The following NRXN1 variants were observed in gnomAD, a reference collection of about 807,000 sequenced individuals.
NRXN1 encodes the protein neurexin-1.
NRXN1 carries 39 observed loss-of-function variants against 150.9 expected under a neutral mutation model. The observed-to-expected ratio is 0.26, with a 90% CI of 0.20 to 0.34. NRXN1 has a LOEUF of 0.34. NRXN1 is among the 10% of genes least tolerant of loss of function. The probability of loss-of-function intolerance (pLI) is 1.00; values close to 1 mark genes in which losing one functional copy is unlikely to be tolerated. For missense variants in NRXN1, 1,815 were observed against 1,949.9 expected (o/e 0.93, Z 1.30); for synonymous variants, 924 against 757.0 (o/e 1.22, Z -3.62).
intron 17 of NRXN1, among the ~76,000 whole-genome samples, chr2:50,255,512 G>C (rs2067612810): frequency 6.6e-6 from 1 of 152,106 alleles, no homozygotes; most frequent in African/African-American, 2.4e-5. Flanking sequence ...AAATTACAAG[G>C]TGGTTCCAAT....
intron 17 of NRXN1, among the ~76,000 whole-genome samples, chr2:50,415,774 A>G (rs578197414): frequency 6.6e-6 from 1 of 152,126 alleles, no homozygotes; most frequent in Non-Finnish European, 1.5e-5. Flanking sequence ...ATCTTTTTGC[A>G]TTAATTCAAG....
intron 17 of NRXN1, among the ~76,000 whole-genome samples, chr2:50,260,461 C>G (rs776167401): frequency 6.6e-6 from 1 of 151,698 alleles, no homozygotes; most frequent in Non-Finnish European, 1.5e-5. Context: ...TGGGTTAAGA[C>G]GGAGACTCAA....
chr2:49,929,294 A>C (rs1397687891), intron 22 of NRXN1, among the ~76,000 whole-genome samples: 1 of 152,198 alleles, frequency 6.6e-6, no homozygotes, highest in Non-Finnish European at 1.5e-5. Context: ...AAGACAAATA[A>C]ACAGAGGAAC....
At chr2:50,207,949 C>A (rs1443765243) in intron 18 of NRXN1, among the ~76,000 whole-genome samples, 1 of 151,980 alleles carries the variant, frequency 6.6e-6, no homozygotes, top group Non-Finnish European at 1.5e-5. Context: ...CCTGCTTTTC[C>A]CCTTTCTTCT....
At chr2:50,482,488 C>T (rs2090545528) in intron 15 of NRXN1, among the ~76,000 whole-genome samples, 1 of 151,094 alleles carries the variant, frequency 6.6e-6, no homozygotes, top group Non-Finnish European at 1.5e-5. Flanking sequence ...AATTCTGTCA[C>T]CATTCCATGT....
At chr2:50,109,593 A>T (rs1049667427) in intron 18 of NRXN1, among the ~76,000 whole-genome samples, 1 of 136,062 alleles carries the variant, frequency 7.3e-6, no homozygotes, top group Non-Finnish European at 1.6e-5. Context: ...AAGGATCCTT[A>T]AAAAAAAAAA....
intron 18 of NRXN1, among the ~76,000 whole-genome samples, chr2:50,225,352 T>C (rs2064269465): frequency 6.6e-6 from 1 of 151,980 alleles, no homozygotes; most frequent in African/African-American, 2.4e-5. Flanking sequence ...ATGCATCTAC[T>C]AAGCACCATG....
intron 5 of NRXN1, among the ~76,000 whole-genome samples, chr2:50,864,785 G>A (rs981798068): frequency 3.9e-5 from 6 of 152,052 alleles, no homozygotes; most frequent in African/African-American, 1.4e-4. Flanking sequence ...TTGAAACTTG[G>A]TTTTTGATGA....
chr2:50,740,893 C>T (rs1045820880), intron 5 of NRXN1, among the ~76,000 whole-genome samples: 1 of 152,040 alleles, frequency 6.6e-6, no homozygotes, highest in African/African-American at 2.4e-5. Context: ...AATAACTACC[C>T]ACAGCTTGGT....
chr2:50,434,493 G>A (rs1367417961), intron 17 of NRXN1, among the ~76,000 whole-genome samples: 2 of 152,020 alleles, frequency 1.3e-5, no homozygotes, highest in African/African-American at 4.8e-5. Context: ...GACTGAATAA[G>A]GTTTCCTGAA....
chr2:50,736,631 G>A (rs1698786783), intron 5 of NRXN1, among the ~76,000 whole-genome samples: 1 of 152,104 alleles, frequency 6.6e-6, no homozygotes, highest in Non-Finnish European at 1.5e-5. Flanking sequence ...TTTATAAGGG[G>A]AGAAACCCCT....
chr2:49,957,911 A>T (rs910372958), intron 21 of NRXN1, among the ~76,000 whole-genome samples: 1 of 152,164 alleles, frequency 6.6e-6, no homozygotes, highest in African/African-American at 2.4e-5. Context: ...TGGGGCAGAT[A>T]AAAATAACAG....
At chr2:50,140,685 A>G (rs1707147544) in intron 18 of NRXN1, among the ~76,000 whole-genome samples, 1 of 149,806 alleles carries the variant, frequency 6.7e-6, no homozygotes. Flanking sequence ...TTTTTTTAAT[A>G]GTAGAGATGT....
chr2:50,664,396 C>T (rs938342367), intron 5 of NRXN1, among the ~76,000 whole-genome samples: 9 of 108,038 alleles, frequency 8.3e-5, no homozygotes, highest in Admixed American at 2.1e-4. Flanking sequence ...AAGTTTAAAG[C>T]GTGTGTGTGT....
intron 5 of NRXN1, among the ~76,000 whole-genome samples, chr2:50,629,399 A>C (rs1218914365): frequency 6.6e-6 from 1 of 151,628 alleles, no homozygotes; most frequent in Non-Finnish European, 1.5e-5. Context: ...CCATTTATAT[A>C]AAAAATTTAA....
intron 18 of NRXN1, among the ~76,000 whole-genome samples, chr2:50,113,307 T>C (rs1702616420): frequency 6.6e-6 from 1 of 152,236 alleles, no homozygotes. Context: ...TCATAATTAT[T>C]TGTGCATGTG....
chr2:50,176,975 G>A (rs2060391513), intron 18 of NRXN1, among the ~76,000 whole-genome samples: 1 of 152,204 alleles, frequency 6.6e-6, no homozygotes, highest in Middle Eastern at 3.4e-3. Flanking sequence ...GTTCTTAAAA[G>A]AAACAGTGGG....
intron 17 of NRXN1, among the ~76,000 whole-genome samples, chr2:50,353,192 C>T (rs1008361926): frequency 3.3e-5 from 5 of 152,094 alleles, no homozygotes; most frequent in East Asian, 3.9e-4. Context: ...GTCTTTCATT[C>T]GATTTAATAA....
intron 21 of NRXN1, among the ~76,000 whole-genome samples, chr2:50,034,757 A>T: frequency 6.6e-6 from 1 of 152,090 alleles, no homozygotes; most frequent in Admixed American, 6.6e-5. Context: ...TATATGACTC[A>T]AACCCATATA....
Sources: allele counts gnomAD v4.1 joint callset (sites outside exome capture counted in the v4.1 genomes callset), GRCh38; gene constraint gnomAD v4.1.1; transcripts MANE v1.5; gene names NCBI Gene and HGNC (gene_info 2026-07-23, HGNC 2026-07-21).